The following USP3 variants were observed in gnomAD, a reference collection of about 807,000 sequenced individuals.
USP3 encodes ubiquitin specific peptidase 3.
A neutral mutation model predicts 72.3 loss-of-function variants in USP3; 20 were observed. The observed-to-expected ratio is 0.28, with a 90% CI of 0.19 to 0.40. The LOEUF (loss-of-function observed/expected upper bound fraction) is 0.40. Among genes scored for constraint, USP3 ranks in the 10% least tolerant of loss-of-function variants. The probability of loss-of-function intolerance (pLI) is 1.00; values close to 1 mark genes in which losing one functional copy is unlikely to be tolerated. For synonymous variants in USP3, 222 were observed against 225.3 expected, an observed-to-expected ratio of 0.99 and a Z score of 0.13; for missense variants, 479 against 633.9, an observed-to-expected ratio of 0.76 and a Z score of 2.62.
Position 63,590,644 on chromosome 15 carries a change from G to GTCTT in USP3, c.1398-15_1398-12dup, listed in dbSNP as rs2067179776. 2.0e-6 allele frequency: 3 copies of GTCTT among 1,531,332 alleles called. No individual in the cohort carries two copies. The highest frequency in any genetic ancestry group is 2.4e-5 in the East Asian group (1 of 42,228). 94.9% of individuals were successfully genotyped at this position (1,531,332 alleles called of 1,614,324 possible). A position where few individuals can be genotyped will look rare whatever the true frequency, so the allele number is the denominator to read the frequency against. Reference sequence around the variant, plus strand: ...ATTTCTGAGGTTCTTTTTTCCTTTGGTCTTTTGCCTTTACAGGGTTGGTTC... The same window carrying GTCTT: ...ATTTCTGAGGTTCTTTTTTCCTTTGGTCTTTCTTTTGCCTTTACAGGGTTGGTTC... On this transcript the variant is annotated splice_polypyrimidine_tract_variant and intron_variant, in intron 14 of 14. Coordinates refer to ENST00000380324, the MANE Select transcript of USP3 (RefSeq NM_006537.4).
At chr15:63,525,625 T>G (rs1291833017) in intron 1 of USP3, among the ~76,000 whole-genome samples, 2 of 152,148 alleles carry the variant, frequency 1.3e-5, no homozygotes, top group South Asian at 4.1e-4. Flanking sequence ...GGGACTCAAG[T>G]TATAGATAGA....
At position 63,574,607 on chromosome 15, in the gene USP3, A is replaced by G. The variant is rs754690914; in HGVS notation, c.1096+204A>G. On this transcript the variant is annotated intron_variant, in intron 11 of 14. Transcript: ENST00000380324. The surrounding 1 kb of genome is among the most constrained non-coding windows in gnomAD (Gnocchi z 4.6). ...TGCCATAAGATATTGTGTGAAGCAT[A>G]AAATATTTCTCACCTTTTTCTTCTT... Among the ~76,000 whole-genome samples, 1 of 152,022 alleles carries G rather than the reference A, an allele frequency of 6.6e-6. No homozygotes were observed. Among genetic ancestry groups the G allele is most frequent in the Non-Finnish European group, 1.5e-5 (1 of 68,034 alleles).
At chr15:63,555,230 T>C (rs1255732917) in intron 4 of USP3, among the ~76,000 whole-genome samples, 1 of 152,098 alleles carries the variant, frequency 6.6e-6, no homozygotes, top group East Asian at 1.9e-4. Context: ...TGAAAAACAT[T>C]ACCTAGATTC....
chr15:63,588,384 A>G lies in USP3; in HGVS notation c.1176A>G (p.Gln392=), dbSNP rs140022121. 165 of 1,606,756 alleles carry G rather than the reference A, an allele frequency of 1.0e-4. No homozygotes were observed. Among genetic ancestry groups the G allele is most frequent in the Middle Eastern group, 5.0e-4 (3 of 6,050 alleles). The change falls in exon 12 of 15, where the codon CAA becomes CAG. Residue 392 remains glutamine, a synonymous_variant. Transcript: ENST00000380324. The surrounding 1 kb of genome is among the most constrained non-coding windows in gnomAD (Gnocchi z 4.6). ...TGTGCCATAAATGCAAAAAGAAACA[A>G]AAGTCCACAAAAAAGTTTTGGATTC... The part of the protein sequence containing the change: ...LYMCHKCKKK[Q]KSTKKFWIQK...
At chr15:63,575,107 T>A (rs2066841030) in intron 11 of USP3, among the ~76,000 whole-genome samples, 1 of 150,732 alleles carries the variant, frequency 6.6e-6, no homozygotes, top group Admixed American at 6.6e-5. Context: ...GTATGTTCAC[T>A]AAAAGTAATG....
Position 63,590,981 on chromosome 15 carries a change from C to T in USP3, c.*155C>T, listed in dbSNP as rs1451363317. ...GGTAGTGACTTACTGAACATGGGCA[C>T]CAACTAATTTTGTTGTTGTTCTACC... On this transcript the variant is annotated 3_prime_UTR_variant, in exon 15 of 15. Transcript: ENST00000380324. 5 of 881,896 alleles carry T rather than the reference C, an allele frequency of 5.7e-6. No homozygotes were observed. Among genetic ancestry groups the T allele is most frequent in the Non-Finnish European group, 7.8e-6 (5 of 641,604 alleles). The allele number at this position is 881,896 out of a possible 1,614,324, so 54.6% of individuals were successfully genotyped here. A position where few individuals can be genotyped will look rare whatever the true frequency, so the allele number is the denominator to read the frequency against.
At chr15:63,537,937 G>C (rs540160545) in intron 3 of USP3, among the ~76,000 whole-genome samples, 1 of 151,374 alleles carries the variant, frequency 6.6e-6, no homozygotes, top group South Asian at 2.1e-4. Context: ...TGCCTGCCTC[G>C]GCCTCCTAAA....
At chr15:63,548,557 A>C (rs1453043948) in intron 3 of USP3, among the ~76,000 whole-genome samples, 1 of 152,072 alleles carries the variant, frequency 6.6e-6, no homozygotes, top group African/African-American at 2.4e-5. Context: ...CGAACTCCTG[A>C]CCTCAGGTGA....
chr15:63,561,203 TG>T lies in USP3; in HGVS notation c.647+1234del, dbSNP rs151163104. On this transcript the variant is annotated intron_variant, in intron 7 of 14. Transcript: ENST00000380324. ...GTAATCAGGTCAGAGGGGACAGCAG[TG>T]AAACAGTAGAAAAAATACATGTGTA... 1.7e-3 allele frequency among the ~76,000 whole-genome samples: 252 copies of T among 152,012 alleles called. 3 individuals carry two copies. The East Asian group carries it at 0.022, about 13-fold the overall frequency.
At position 63,570,077 on chromosome 15, in the gene USP3, C is replaced by G. The variant is rs2066755141; in HGVS notation, c.762-356C>G. ...TGTGGGCAGGGAGAAGAGTCAGAGT[C>G]CACCAGGAAACAAAGGTGTAGTCCC... On this transcript the variant is annotated intron_variant, in intron 8 of 14. Coordinates refer to ENST00000380324, the MANE Select transcript of USP3 (RefSeq NM_006537.4). This position sits in a 1 kb window ranked among gnomAD's most constrained non-coding sequence, Gnocchi z 4.4. Among the ~76,000 whole-genome samples the G allele has an allele frequency of 6.6e-6, 1 of 152,088 alleles. No homozygotes were observed. The highest frequency in any genetic ancestry group is 1.5e-5 in the Non-Finnish European group (1 of 68,012).
intron 1 of USP3, among the ~76,000 whole-genome samples, chr15:63,526,587 G>GT: frequency 6.6e-6 from 1 of 151,902 alleles, no homozygotes; most frequent in East Asian, 1.9e-4. Flanking sequence ...TAGGCGGGTG[G>GT]TTCTTGAGTT....
intron 1 of USP3, among the ~76,000 whole-genome samples, chr15:63,510,761 C>T (rs534567307): frequency 1.3e-5 from 2 of 152,242 alleles, no homozygotes; most frequent in African/African-American, 4.8e-5. Context: ...ACAGTAACAG[C>T]TTGTTCATCT....
chr15:63,560,297 T>C (rs541374113), intron 7 of USP3, among the ~76,000 whole-genome samples: 1 of 151,450 alleles, frequency 6.6e-6, no homozygotes, highest in South Asian at 2.1e-4. Flanking sequence ...GTACCTGTAA[T>C]CCCAGCTACT....
At chr15:63,590,435 C>T (rs2067173409) in intron 14 of USP3, among the ~76,000 whole-genome samples, 2 of 152,292 alleles carry the variant, frequency 1.3e-5, no homozygotes, top group South Asian at 4.1e-4. Context: ...TTGCGAGTTC[C>T]TCATCTCTGT....
rs2067232963 is a variant in USP3 at position 63,593,025 on chromosome 15, C to T, written c.*2199C>T. On this transcript the variant is annotated 3_prime_UTR_variant, in exon 15 of 15. Coordinates refer to ENST00000380324, the MANE Select transcript of USP3 (RefSeq NM_006537.4). ...ATTAGAAACTCAGTGCCTTCAGTCA[C>T]ACTAGCCACATTTCAAGTGCTCAGC... The T allele has an allele frequency of 6.6e-6, 1 of 152,218 alleles. No homozygotes were observed. Among genetic ancestry groups the T allele is most frequent in the South Asian group, 2.1e-4 (1 of 4,836 alleles). The allele number at this position is 152,218 out of a possible 1,614,324, so 9.4% of individuals were successfully genotyped here.
At chr15:63,555,568 T>C (rs1038024998) in intron 4 of USP3, among the ~76,000 whole-genome samples, 1 of 152,226 alleles carries the variant, frequency 6.6e-6, no homozygotes, top group African/African-American at 2.4e-5. Context: ...GGATAAAATT[T>C]AGTAACTTAC....
chr15:63,580,555 AAC>A (rs2066935873), intron 11 of USP3, among the ~76,000 whole-genome samples: 1 of 149,806 alleles, frequency 6.7e-6, no homozygotes, highest in South Asian at 2.1e-4. Context: ...ATGCTGTTTT[AAC>A]AGTTTATATC....
At chr15:63,525,131 G>A (rs1313647656) in intron 1 of USP3, among the ~76,000 whole-genome samples, 1 of 152,120 alleles carries the variant, frequency 6.6e-6, no homozygotes, top group Non-Finnish European at 1.5e-5. Context: ...GGAGGAAAGT[G>A]GAAAAATTTT....
At position 63,529,166 on chromosome 15, in the gene USP3, G is replaced by A; in HGVS notation, c.92-3481G>A. Reference sequence around the variant, plus strand: ...GATGCAATCACCACCACACTTGGCAGGTAGTAAAGTGGTTTTTTTTTTTTT... The same window carrying A: ...GATGCAATCACCACCACACTTGGCAAGTAGTAAAGTGGTTTTTTTTTTTTT... On this transcript the variant is annotated intron_variant, in intron 1 of 14. Coordinates refer to ENST00000380324, the MANE Select transcript of USP3 (RefSeq NM_006537.4). The surrounding 1 kb of genome is among the most constrained non-coding windows in gnomAD (Gnocchi z 4.2). The A allele has an allele frequency of 1.3e-6, 1 of 740,790 alleles. No individual in the cohort carries two copies. Among genetic ancestry groups the A allele is most frequent in the Non-Finnish European group, 2.0e-6 (1 of 497,218 alleles). 45.9% of individuals were successfully genotyped at this position (740,790 alleles called of 1,614,324 possible).
Sources: allele counts gnomAD v4.1 joint callset (sites outside exome capture counted in the v4.1 genomes callset), GRCh38; gene constraint gnomAD v4.1.1; non-coding constraint Gnocchi (gnomAD v3.1); transcripts MANE v1.5; gene names NCBI Gene and HGNC (gene_info 2026-07-23, HGNC 2026-07-21).